Variants in RNF214 observed in about 807,000 individuals in gnomAD.
The protein encoded by RNF214 is ring finger protein 214.
In RNF214, 25 loss-of-function variants were observed where a neutral mutation model predicts 75.9. The observed-to-expected ratio is 0.33, with a 90% CI of 0.24 to 0.46. The LOEUF (loss-of-function observed/expected upper bound fraction) is 0.46, where lower values mean the gene tolerates loss of function less well. Among genes scored for constraint, RNF214 ranks in the 20% least tolerant of loss-of-function variants. RNF214 has a pLI of 1.00. For missense variants in RNF214, 725 were observed against 857.5 expected (o/e 0.85, Z 1.93); for synonymous variants, 314 against 308.8 (o/e 1.02, Z -0.18).
At position 117,239,051 on chromosome 11, in the gene RNF214, G is replaced by C; in HGVS notation, c.558G>C (p.Val186=). Residue 186 remains valine, a synonymous_variant, in exon 3 of 15, where the codon GTG becomes GTC. Coordinates refer to ENST00000300650, the MANE Select transcript of RNF214 (RefSeq NM_207343.4). ...SPANGVEGVR[V]DQDDDQDSSS... ...CAAATGGGGTTGAAGGAGTCCGAGT[G>C]GATCAGGATGATGATCAAGATAGCT... 1 of 1,614,094 alleles carries C rather than the reference G, an allele frequency of 6.2e-7. No homozygotes were observed. Among genetic ancestry groups the C allele is most frequent in the Non-Finnish European group, 8.5e-7 (1 of 1,180,038 alleles).
rs1407282002 is a variant in RNF214 at position 117,282,862 on chromosome 11, T to C, written c.1950+12T>C. On this transcript the variant is annotated intron_variant, in intron 13 of 14. Coordinates refer to ENST00000300650, the MANE Select transcript of RNF214 (RefSeq NM_207343.4). ...GAAGGTCTTCACATGTAAGACTCTT[T>C]TTCTTTGAACACTGTGATATGGAGA... 3 of 1,589,794 alleles carry C rather than the reference T, an allele frequency of 1.9e-6. No homozygotes were observed. Among genetic ancestry groups the C allele is most frequent in the Non-Finnish European group, 2.6e-6 (3 of 1,157,974 alleles).
intron 6 of RNF214, among the ~76,000 whole-genome samples, chr11:117,260,127 G>GT (rs1048055813): frequency 1.3e-5 from 2 of 149,134 alleles, no homozygotes; most frequent in African/African-American, 4.9e-5. Flanking sequence ...ATGTGTGTTT[G>GT]TTTTTTTATA....
Position 117,239,841 on chromosome 11 carries a change from A to C in RNF214, c.659A>C (p.Gln220Pro). The C allele has an allele frequency of 6.4e-7, 1 of 1,555,152 alleles. No homozygotes were observed. Among genetic ancestry groups the C allele is most frequent in the African/African-American group, 1.4e-5 (1 of 73,896 alleles). ...KTADSEVNTDQDIEKNLDKMM... is the reference protein window; with the variant it reads ...KTADSEVNTDPDIEKNLDKMM... ...GCTGATTCAGAGGTAAACACAGATC[A>C]AGATATTGAAAAGAATTTGGTAAGT... The change falls in exon 4 of 15, where the codon CAA (glutamine) becomes CCA (proline). Residue 220 changes from glutamine to proline, a missense_variant. Physicochemically the swap from Gln to Pro is moderately conservative, Grantham distance 76. This residue lies in a region of RNF214 where 362 missense variants were observed against 344.5 expected (regional missense o/e 1.05). Transcript: ENST00000300650.
intron 6 of RNF214, among the ~76,000 whole-genome samples, chr11:117,258,933 T>C (rs912538900): frequency 4.6e-5 from 7 of 152,194 alleles, no homozygotes; most frequent in Admixed American, 1.3e-4. Context: ...TGTTGTCCGT[T>C]TTTACTGTGT....
Position 117,256,936 on chromosome 11 carries a change from T to C in RNF214, c.959+9988T>C, listed in dbSNP as rs780582001. On this transcript the variant is annotated intron_variant, in intron 6 of 14. Coordinates refer to ENST00000300650, the MANE Select transcript of RNF214 (RefSeq NM_207343.4). ...TAATAAAAGTTACACAAATAAGAGA[T>C]ACATAATTAAAGATCTTTTAGAAAT... Among the ~76,000 whole-genome samples, 57 of 152,156 alleles carry C rather than the reference T, an allele frequency of 3.7e-4. 1 individual carries two copies. The highest frequency in any genetic ancestry group is 7.8e-4 in the Non-Finnish European group (53 of 68,042).
intron 6 of RNF214, among the ~76,000 whole-genome samples, chr11:117,262,503 C>T (rs533203): frequency 0.45 from 68,105 of 151,896 alleles, 16,067 homozygotes; most frequent in East Asian, 0.67. Context: ...CCTCAGCCTC[C>T]CAAGTAACTG....
chr11:117,282,794 A>C lies in RNF214; in HGVS notation c.1894A>C (p.Ser632Arg). The change falls in exon 13 of 15, where the codon AGT becomes CGT. Residue 632 changes from serine (S) to arginine (R), a missense_variant. Around this residue, in one of 2 missense-constraint regions of RNF214, gnomAD observed 363 missense variants for 513.0 expected, o/e 0.71. Transcript: ENST00000300650. ...ALFPAPLAQI[S>R]TPMFLPSAQV... ...GTTCCCTGCTCCACTGGCCCAAATC[A>C]GTACCCCAATGTTCTTGCCTTCTGC... 6.2e-7 allele frequency: 1 copy of C among 1,614,164 alleles called. No individual in the cohort carries two copies. Among genetic ancestry groups the C allele is most frequent in the Non-Finnish European group, 8.5e-7 (1 of 1,180,020 alleles).
intron 6 of RNF214, among the ~76,000 whole-genome samples, chr11:117,250,025 G>A (rs1034479296): frequency 1.3e-5 from 2 of 152,178 alleles, no homozygotes; most frequent in African/African-American, 4.8e-5. Context: ...AGACAGTAGG[G>A]CCTGGAGAGT....
chr11:117,278,708 A>G (rs922889295), intron 6 of RNF214, among the ~76,000 whole-genome samples: 1 of 152,240 alleles, frequency 6.6e-6, no homozygotes, highest in African/African-American at 2.4e-5. Context: ...CTTTTGAAGC[A>G]TATTTACTAT....
At chr11:117,258,334 G>C (rs2033575264) in intron 6 of RNF214, among the ~76,000 whole-genome samples, 1 of 151,996 alleles carries the variant, frequency 6.6e-6, no homozygotes. Context: ...CCAAAGTGCT[G>C]GGATTTACAG....
At chr11:117,282,650 T>C (rs2034152448) in intron 12 of RNF214, 96 bp from the exon 13 acceptor site, 1 of 1,548,682 alleles carries the variant, frequency 6.5e-7, no homozygotes, top group East Asian at 2.3e-5. Context: ...GCTAGTCTGC[T>C]TTTTTCCTTT....
chr11:117,252,942 ATTTAC>A (rs988312777), intron 6 of RNF214, among the ~76,000 whole-genome samples: 2 of 152,202 alleles, frequency 1.3e-5, no homozygotes, highest in African/African-American at 4.8e-5. Context: ...TTAAAGATGA[ATTTAC>A]TTAATAGAAA....
At chr11:117,253,788 A>G (rs895282993) in intron 6 of RNF214, among the ~76,000 whole-genome samples, 3 of 152,224 alleles carry the variant, frequency 2.0e-5, no homozygotes, top group Admixed American at 6.5e-5. Context: ...GACATAATTG[A>G]TTTATATTTT....
Position 117,280,151 on chromosome 11 carries a change from T to A in RNF214, c.1057-20T>A. The A allele has an allele frequency of 6.3e-7, 1 of 1,587,780 alleles. No homozygotes were observed. Among genetic ancestry groups the A allele is most frequent in the Non-Finnish European group, 8.6e-7 (1 of 1,157,602 alleles). On this transcript the variant is annotated intron_variant, in intron 7 of 14. Coordinates refer to ENST00000300650, the MANE Select transcript of RNF214 (RefSeq NM_207343.4). ...GTATGTAAAATTAATAAAGTATTTA[T>A]ATGTGTGTGGCTTCCTTAGATCTTA...
At chr11:117,234,751 A>G (rs934829884) in intron 2 of RNF214, among the ~76,000 whole-genome samples, 1 of 152,252 alleles carries the variant, frequency 6.6e-6, no homozygotes, top group East Asian at 1.9e-4. Flanking sequence ...CAGATACACA[A>G]TTACCCAAAC....
intron 6 of RNF214, among the ~76,000 whole-genome samples, chr11:117,257,675 G>A (rs2033556605): frequency 6.6e-6 from 1 of 152,210 alleles, no homozygotes; most frequent in Non-Finnish European, 1.5e-5. Flanking sequence ...TATACTTACA[G>A]TTTGGGAGTA....
At chr11:117,241,753 T>C (rs539144309) in intron 4 of RNF214, among the ~76,000 whole-genome samples, 3 of 152,328 alleles carry the variant, frequency 2.0e-5, no homozygotes, top group Non-Finnish European at 4.4e-5. Context: ...TCAGATGTTT[T>C]TAGTATTCTT....
Position 117,238,324 on chromosome 11 carries a change from G to A in RNF214, c.108-277G>A, listed in dbSNP as rs564731210. Among the ~76,000 whole-genome samples the A allele has an allele frequency of 7.9e-5, 12 of 152,306 alleles. No homozygotes were observed. In the East Asian group the frequency reaches 1.7e-3, roughly 22 times the overall value. On this transcript the variant is annotated intron_variant, in intron 2 of 14. Transcript: ENST00000300650. ...ACAAGTCTGAGGTGGAGGATTGCTT[G>A]AGCCAAGGATGTTGAGACTGTAGTG...
chr11:117,262,208 T>C (rs963432377), intron 6 of RNF214, among the ~76,000 whole-genome samples: 1 of 151,986 alleles, frequency 6.6e-6, no homozygotes, highest in Non-Finnish European at 1.5e-5. Context: ...TGCCTCAGCC[T>C]CCTGAGTAGC....
Sources: gnomAD v4.1 joint callset for allele counts (sites outside exome capture counted in the v4.1 genomes callset) on GRCh38, gnomAD v4.1.1 for gene constraint, gnomAD v4.1.1 regional missense constraint, MANE v1.5 for transcripts, NCBI Gene and HGNC (gene_info 2026-07-23, HGNC 2026-07-21) for gene names.